Variants in XKR8 observed in about 807,000 individuals in gnomAD.
XKR8 encodes XK-related protein 8.
Under a neutral mutation model 17.1 loss-of-function variants are expected in XKR8, and 10 were observed. That is an observed-to-expected ratio of 0.59 (90% CI 0.36 to 0.99). XKR8 has a LOEUF of 0.99. Ranked by LOEUF, XKR8 falls within the 50% of genes least tolerant of loss-of-function variation. The pLI, the probability that XKR8 is intolerant of heterozygous loss-of-function variation, is 0.01. For missense variants in XKR8, 411 were observed against 515.6 expected (o/e 0.80, Z 1.96); for synonymous variants, 213 against 251.9 (o/e 0.85, Z 1.46).
At chr1:27,962,706 G>A (rs901092670) in intron 1 of XKR8, among the ~76,000 whole-genome samples, 8 of 150,894 alleles carry the variant, frequency 5.3e-5, no homozygotes, top group Non-Finnish European at 1.0e-4. Context: ...GTCCTCCTGC[G>A]TCAGCCTCCT....
At position 27,963,385 on chromosome 1, in the gene XKR8, A is replaced by G. The variant is rs1638507613; in HGVS notation, c.294-112A>G. Reference sequence around the variant, plus strand: ...AGGACATTGCCGAAGGCCCCATAGCATGGATGTGAGGAGACAGGTTGGAGC... The same window carrying G: ...AGGACATTGCCGAAGGCCCCATAGCGTGGATGTGAGGAGACAGGTTGGAGC... On this transcript the variant is annotated intron_variant, in intron 1 of 2. Coordinates refer to ENST00000373884, the MANE Select transcript of XKR8 (RefSeq NM_018053.4). 7 of 1,311,100 alleles carry G rather than the reference A, an allele frequency of 5.3e-6. No homozygotes were observed. In the South Asian group the frequency reaches 8.9e-5, roughly 17 times the overall value. The allele number at this position is 1,311,100 out of a possible 1,614,324, so 81.2% of individuals were successfully genotyped here.
rs1638544639 is a variant in XKR8 at position 27,965,193 on chromosome 1, TGGGCACACGTC to T, written c.491-1309_491-1299del. 6.6e-6 allele frequency among the ~76,000 whole-genome samples: 1 copy of T among 152,086 alleles called. No individual in the cohort carries two copies. Among genetic ancestry groups the T allele is most frequent in the Non-Finnish European group, 1.5e-5 (1 of 68,018 alleles). On this transcript the variant is annotated intron_variant, in intron 2 of 2. Transcript: ENST00000373884. The surrounding 1 kb of genome is among the most constrained non-coding windows in gnomAD (Gnocchi z 4.1). ...TTGCCCTGGGTTACTGGGCACTCAC[TGGGCACACGTC>T]TTTGTCTGTTGAGGGTTGGGGGTGT...
rs1335710586 is a variant in XKR8 at position 27,960,853 on chromosome 1, C to T, written c.293+491C>T. Among the ~76,000 whole-genome samples, 1 of 152,236 alleles carries T rather than the reference C, an allele frequency of 6.6e-6. No individual in the cohort carries two copies. Among genetic ancestry groups the T allele is most frequent in the African/African-American group, 2.4e-5 (1 of 41,452 alleles). On this transcript the variant is annotated intron_variant, in intron 1 of 2. Coordinates refer to ENST00000373884, the MANE Select transcript of XKR8 (RefSeq NM_018053.4). This position sits in a 1 kb window ranked among gnomAD's most constrained non-coding sequence, Gnocchi z 5.9. ...CTCAGTTCAGCATCCCATGTTTCAG[C>T]ATGGGCAGGGCCTTGGGAAGTCACT...
In XKR8 at chr1:27,960,056, G is replaced by A; in HGVS notation, c.-14G>A. The A allele has an allele frequency of 7.0e-7, 1 of 1,420,138 alleles. No homozygotes were observed. Among genetic ancestry groups the A allele is most frequent in the South Asian group, 1.5e-5 (1 of 68,438 alleles). 88.0% of individuals were successfully genotyped at this position (1,420,138 alleles called of 1,614,324 possible). On this transcript the variant is annotated 5_prime_UTR_variant, in exon 1 of 3. Coordinates refer to ENST00000373884, the MANE Select transcript of XKR8 (RefSeq NM_018053.4). This position sits in a 1 kb window ranked among gnomAD's most constrained non-coding sequence, Gnocchi z 5.9. ...AACCGCGGAGGAGCAGGAGAGGGCG[G>A]AGGCCGGCGGGCCATGCCCTGGTCG...
chr1:27,961,551 A>T (rs776250902), intron 1 of XKR8, among the ~76,000 whole-genome samples: 1 of 152,200 alleles, frequency 6.6e-6, no homozygotes, highest in Non-Finnish European at 1.5e-5. Flanking sequence ...GGCCTCCATG[A>T]GCCGTGAATC....
At chr1:27,962,059 G>A (rs1028452818) in intron 1 of XKR8, among the ~76,000 whole-genome samples, 1 of 152,150 alleles carries the variant, frequency 6.6e-6, no homozygotes, top group African/African-American at 2.4e-5. Context: ...CTGTGTGGCC[G>A]GGGCAAGGCA....
chr1:27,960,210 G>A lies in XKR8; in HGVS notation c.141G>A (p.Ala47=). ...TCGGCGGCCGCTACCTGTGGGCGGC[G>A]CTGGTGCTGGCGCTGCTGGGCCTGG... The part of the protein sequence containing the change: ...YALGGRYLWA[A]LVLALLGLAS... Residue 47 remains alanine, a synonymous_variant, in exon 1 of 3, where the codon GCG becomes GCA. Transcript: ENST00000373884. The surrounding 1 kb of genome is among the most constrained non-coding windows in gnomAD (Gnocchi z 5.9). 1.3e-6 allele frequency: 2 copies of A among 1,526,558 alleles called. No homozygotes were observed. The highest frequency in any genetic ancestry group is 2.5e-5 in the East Asian group (1 of 40,068). 94.6% of individuals were successfully genotyped at this position (1,526,558 alleles called of 1,614,324 possible). A position where few individuals can be genotyped will look rare whatever the true frequency, so the allele number is the denominator to read the frequency against.
chr1:27,967,164 G>A lies in XKR8; in HGVS notation c.1152G>A (p.Lys384=). 1 of 1,577,644 alleles carries A rather than the reference G, an allele frequency of 6.3e-7. No homozygotes were observed. Among genetic ancestry groups the A allele is most frequent in the Non-Finnish European group, 8.6e-7 (1 of 1,159,324 alleles). The change falls in exon 3 of 3, where the codon AAG becomes AAA. Residue 384 remains lysine, a synonymous_variant. Coordinates refer to ENST00000373884, the MANE Select transcript of XKR8 (RefSeq NM_018053.4). This position sits in a 1 kb window ranked among gnomAD's most constrained non-coding sequence, Gnocchi z 4.3. ...MTHLAQKFFP[K]AKDEAASPVK... ...ATTTAGCACAGAAGTTTTTCCCCAA[G>A]GCTAAGGATGAGGCTGCTTCGCCAG... is the stretch of plus-strand genomic sequence containing the variant.
chr1:27,962,667 C>T (rs756955130), intron 1 of XKR8, among the ~76,000 whole-genome samples: 9 of 151,760 alleles, frequency 5.9e-5, no homozygotes, highest in Non-Finnish European at 1.0e-4. Flanking sequence ...TCATGGCTCA[C>T]AGTGGCCTTG....
At position 27,967,501 on chromosome 1, in the gene XKR8, T is replaced by C. The variant is rs1638601636; in HGVS notation, c.*301T>C. On this transcript the variant is annotated 3_prime_UTR_variant, in exon 3 of 3. Transcript: ENST00000373884. This position sits in a 1 kb window ranked among gnomAD's most constrained non-coding sequence, Gnocchi z 4.3. ...GACTACCTTTTCCCCCTGCCATTGGTATAGCTGGTGCCCCAAAACTTCCAC... is the reference window on the plus strand; with the variant it reads ...GACTACCTTTTCCCCCTGCCATTGGCATAGCTGGTGCCCCAAAACTTCCAC... 1.3e-5 allele frequency: 3 copies of C among 222,306 alleles called. No homozygotes were observed. Among genetic ancestry groups the C allele is most frequent in the Non-Finnish European group, 2.7e-5 (3 of 112,642 alleles). 13.8% of individuals were successfully genotyped at this position (222,306 alleles called of 1,614,324 possible).
At position 27,960,453 on chromosome 1, in the gene XKR8, GA is replaced by G; in HGVS notation, c.293+93del. The G allele has an allele frequency of 7.9e-7, 1 of 1,271,842 alleles. No individual in the cohort carries two copies. The highest frequency in any genetic ancestry group is 1.0e-6 in the Non-Finnish European group (1 of 994,226). The allele number at this position is 1,271,842 out of a possible 1,614,324, so 78.8% of individuals were successfully genotyped here. Reference sequence around the variant, plus strand: ...GTACAGGTGACACGCCATATGCCGGGAAGGGGACTGGGAGAGGGAACCAAGT... The same window carrying G: ...GTACAGGTGACACGCCATATGCCGGGAGGGGACTGGGAGAGGGAACCAAGT... On this transcript the variant is annotated intron_variant, in intron 1 of 2. Coordinates refer to ENST00000373884, the MANE Select transcript of XKR8 (RefSeq NM_018053.4). This position sits in a 1 kb window ranked among gnomAD's most constrained non-coding sequence, Gnocchi z 5.9.
rs1394091650 is a variant in XKR8 at position 27,965,818 on chromosome 1, C to T, written c.491-685C>T. Among the ~76,000 whole-genome samples the T allele has an allele frequency of 3.9e-5, 6 of 152,162 alleles. No homozygotes were observed. Among genetic ancestry groups the T allele is most frequent in the East Asian group, 3.8e-4 (2 of 5,198 alleles). ...GGGAGGAAGCAGTCGGGAGACGTGC[C>T]GGTGCCACTTCCATCCCTCCCTGGA... On this transcript the variant is annotated intron_variant, in intron 2 of 2. Coordinates refer to ENST00000373884, the MANE Select transcript of XKR8 (RefSeq NM_018053.4). The surrounding 1 kb of genome is among the most constrained non-coding windows in gnomAD (Gnocchi z 4.1).
rs756773386 is a variant in XKR8 at position 27,966,477 on chromosome 1, T to C, written c.491-26T>C. 6.3e-7 allele frequency: 1 copy of C among 1,587,054 alleles called. No individual in the cohort carries two copies. The highest frequency in any genetic ancestry group is 1.2e-5 in the South Asian group (1 of 86,782). On this transcript the variant is annotated intron_variant, in intron 2 of 2. Transcript: ENST00000373884. The surrounding 1 kb of genome is among the most constrained non-coding windows in gnomAD (Gnocchi z 4.3). ...GTGCCAAGCAGGCTGGCCCCAGGAC[T>C]CACTGTTCCCTCCTACTCTTTGCAG...
chr1:27,961,673 C>G (rs370714412), intron 1 of XKR8, among the ~76,000 whole-genome samples: 1 of 152,156 alleles, frequency 6.6e-6, no homozygotes, highest in East Asian at 1.9e-4. Context: ...GTGAATTGGC[C>G]GAGGCAGGGG....
chr1:27,966,732 G>A lies in XKR8; in HGVS notation c.720G>A (p.Leu240=), dbSNP rs1402281042. The change falls in exon 3 of 3, where the codon CTG becomes CTA. Residue 240 remains leucine (L), a synonymous_variant. Coordinates refer to ENST00000373884, the MANE Select transcript of XKR8 (RefSeq NM_018053.4). The surrounding 1 kb of genome is among the most constrained non-coding windows in gnomAD (Gnocchi z 4.3). ...ALHFLGLWLV[L]LLWVWLQGTD... is the part of the protein sequence containing the mutation. ...ACTTCCTGGGCCTGTGGCTGGTACT[G>A]CTGCTCTGGGTCTGGCTTCAGGGCA... is the stretch of plus-strand genomic sequence containing the variant. 3 of 1,614,156 alleles carry A rather than the reference G, an allele frequency of 1.9e-6. No homozygotes were observed. The highest frequency in any genetic ancestry group is 1.7e-6 in the Non-Finnish European group (2 of 1,180,012).
At chr1:27,962,487 C>T (rs1264936600) in intron 1 of XKR8, among the ~76,000 whole-genome samples, 2 of 151,964 alleles carry the variant, frequency 1.3e-5, no homozygotes, top group Non-Finnish European at 2.9e-5. Context: ...GCAGGAGAAT[C>T]GCTTGAACCT....
chr1:27,963,315 C>T (rs922415835), intron 1 of XKR8, among the ~76,000 whole-genome samples, 182 bp from the exon 2 acceptor site: 4 of 152,246 alleles, frequency 2.6e-5, no homozygotes, highest in African/African-American at 4.8e-5. Flanking sequence ...CCACCACACC[C>T]GGCCTCGATC....
Position 27,966,363 on chromosome 1 carries a change from C to G in XKR8, c.491-140C>G. ...TGGGAACTCACTGGGTCTTCTCTAGCTGCAGATTTGCCTTCAACAAACGAG... is the reference window on the plus strand; with the variant it reads ...TGGGAACTCACTGGGTCTTCTCTAGGTGCAGATTTGCCTTCAACAAACGAG... On this transcript the variant is annotated intron_variant, in intron 2 of 2. Transcript: ENST00000373884. This position sits in a 1 kb window ranked among gnomAD's most constrained non-coding sequence, Gnocchi z 4.3. The G allele has an allele frequency of 2.6e-6, 2 of 761,592 alleles. No individual in the cohort carries two copies. 47.2% of individuals were successfully genotyped at this position (761,592 alleles called of 1,614,324 possible). A position where few individuals can be genotyped will look rare whatever the true frequency, so the allele number is the denominator to read the frequency against.
intron 1 of XKR8, 89 bp from the exon 2 acceptor site, chr1:27,963,408 A>T: frequency 2.0e-6 from 3 of 1,465,662 alleles, no homozygotes; most frequent in Non-Finnish European, 2.7e-6. Flanking sequence ...GACAGGTTGG[A>T]GCCTGTGTCC....
Sources: allele counts gnomAD v4.1 joint callset (sites outside exome capture counted in the v4.1 genomes callset), GRCh38; gene constraint gnomAD v4.1.1; non-coding constraint Gnocchi (gnomAD v3.1); transcripts MANE v1.5; gene names NCBI Gene and HGNC (gene_info 2026-07-23, HGNC 2026-07-21).